HS3ST3A1: variants seen among roughly 807,000 people sequenced by gnomAD.
HS3ST3A1 encodes heparan sulfate glucosamine 3-O-sulfotransferase 3A1.
In HS3ST3A1, 19 loss-of-function variants were observed where a neutral mutation model predicts 25.7. The observed-to-expected ratio is 0.74, with a 90% CI of 0.52 to 1.08. HS3ST3A1 has a LOEUF of 1.08. Ranked by LOEUF, HS3ST3A1 falls within the 50% of genes least tolerant of loss-of-function variation. The pLI, the probability that HS3ST3A1 is intolerant of heterozygous loss-of-function variation, is 0.00. For missense variants in HS3ST3A1, 459 were observed against 594.3 expected (o/e 0.77, Z 2.37); for synonymous variants, 226 against 278.6 (o/e 0.81, Z 1.88).
At chr17:13,540,054 C>A (rs371722605) in intron 1 of HS3ST3A1, among the ~76,000 whole-genome samples, 140 of 152,344 alleles carry the variant, frequency 9.2e-4, no homozygotes, top group African/African-American at 3.2e-3. Flanking sequence ...TGATAGACTT[C>A]TCTTTTGTGT....
intron 1 of HS3ST3A1, among the ~76,000 whole-genome samples, chr17:13,572,156 C>T (rs536277211): frequency 6.6e-6 from 1 of 152,288 alleles, no homozygotes; most frequent in Admixed American, 6.5e-5. Context: ...CTCTCTTCAT[C>T]TCTCTCCTTA....
At chr17:13,578,833 T>C (rs1020573835) in intron 1 of HS3ST3A1, among the ~76,000 whole-genome samples, 1 of 152,194 alleles carries the variant, frequency 6.6e-6, no homozygotes, top group East Asian at 1.9e-4. Flanking sequence ...TGCAGGTGTG[T>C]CAAGTATTTG....
intron 1 of HS3ST3A1, among the ~76,000 whole-genome samples, chr17:13,567,772 C>A (rs1907710145): frequency 6.6e-6 from 1 of 152,174 alleles, no homozygotes; most frequent in African/African-American, 2.4e-5. Flanking sequence ...TCACAATAAA[C>A]CTTGAACCGA....
chr17:13,580,302 A>G (rs910184653), intron 1 of HS3ST3A1, among the ~76,000 whole-genome samples: 2 of 152,198 alleles, frequency 1.3e-5, no homozygotes, highest in African/African-American at 4.8e-5. Context: ...GTTGATGGTT[A>G]AGAAATCCAG....
At position 13,496,145 on chromosome 17, in the gene HS3ST3A1, G is replaced by C; in HGVS notation, c.*52C>G. ...TTAAACTGTCTCTTCTCTACCGATT[G>C]GTAAAAAAATATATTATATTTTGAT... is the stretch of plus-strand genomic sequence containing the variant. On this transcript the variant is annotated 3_prime_UTR_variant, in exon 2 of 2. Transcript: ENST00000284110. 6.9e-7 allele frequency: 1 copy of C among 1,450,032 alleles called. No individual in the cohort carries two copies. The highest frequency in any genetic ancestry group is 9.1e-7 in the Non-Finnish European group (1 of 1,098,784). 89.8% of individuals were successfully genotyped at this position (1,450,032 alleles called of 1,614,324 possible).
chr17:13,533,862 G>A (rs1170269889), intron 1 of HS3ST3A1, among the ~76,000 whole-genome samples: 6 of 152,158 alleles, frequency 3.9e-5, no homozygotes, highest in African/African-American at 1.4e-4. Flanking sequence ...ACATAGGAAG[G>A]ACTGTAAATC....
intron 1 of HS3ST3A1, among the ~76,000 whole-genome samples, chr17:13,569,072 C>A (rs536757643): frequency 1.6e-4 from 24 of 152,214 alleles, no homozygotes; most frequent in Middle Eastern, 3.4e-3. Context: ...GAGCATGGAG[C>A]GTGTCAAGAT....
chr17:13,504,105 G>C lies in HS3ST3A1; in HGVS notation c.600-7287C>G, dbSNP rs187791608. ...CGCAGTGGGTGGATCATGAGGTCAGGAGTTCAAGACCAGCCTGACCAACTG... is the reference window on the plus strand; with the variant it reads ...CGCAGTGGGTGGATCATGAGGTCAGCAGTTCAAGACCAGCCTGACCAACTG... On this transcript the variant is annotated intron_variant, in intron 1 of 1. Transcript: ENST00000284110. Among the ~76,000 whole-genome samples the C allele has an allele frequency of 4.7e-3, 720 of 152,128 alleles. 5 individuals are homozygous for C. The highest frequency in any genetic ancestry group is 0.017 in the African/African-American group (687 of 41,498).
At chr17:13,541,914 C>G (rs931940948) in intron 1 of HS3ST3A1, among the ~76,000 whole-genome samples, 2 of 152,158 alleles carry the variant, frequency 1.3e-5, no homozygotes, top group African/African-American at 4.8e-5. Context: ...GAATGGATGC[C>G]TTGACTTCAT....
intron 1 of HS3ST3A1, among the ~76,000 whole-genome samples, chr17:13,563,555 G>C (rs1410226883): frequency 6.6e-6 from 1 of 152,166 alleles, no homozygotes; most frequent in Non-Finnish European, 1.5e-5. Context: ...CCCAGTGTGG[G>C]GGGCAGAGAG....
rs111305437 is a variant in HS3ST3A1, at chr17:13,546,221, C to T, written c.600-49403G>A. Among the ~76,000 whole-genome samples the T allele has an allele frequency of 3.8e-3, 580 of 152,210 alleles. 1 individual carries two copies. The highest frequency in any genetic ancestry group is 0.013 in the African/African-American group (550 of 41,506). ...CCACTCCCAGGAAAAAATGAATCTG[C>T]CTCTGAAACCATTTCTACAACTCCT... On this transcript the variant is annotated intron_variant, in intron 1 of 1. Coordinates refer to ENST00000284110, the MANE Select transcript of HS3ST3A1 (RefSeq NM_006042.3).
chr17:13,568,019 A>G (rs1020178764), intron 1 of HS3ST3A1, among the ~76,000 whole-genome samples: 1 of 152,230 alleles, frequency 6.6e-6, no homozygotes, highest in Non-Finnish European at 1.5e-5. Flanking sequence ...GAAATCTTTC[A>G]TGAAAGGAAG....
intron 1 of HS3ST3A1, among the ~76,000 whole-genome samples, chr17:13,545,668 C>A (rs1907066787): frequency 3.3e-5 from 5 of 152,180 alleles, no homozygotes; most frequent in Non-Finnish European, 7.3e-5. Context: ...CTCCGTTGCT[C>A]ATGTCTGCAT....
chr17:13,549,730 C>G (rs1907191082), intron 1 of HS3ST3A1, among the ~76,000 whole-genome samples: 1 of 152,216 alleles, frequency 6.6e-6, no homozygotes, highest in Non-Finnish European at 1.5e-5. Flanking sequence ...TCCATGCCGA[C>G]TGTCACACAG....
intron 1 of HS3ST3A1, among the ~76,000 whole-genome samples, chr17:13,529,157 G>A (rs1906526258): frequency 6.6e-6 from 1 of 152,056 alleles, no homozygotes; most frequent in Admixed American, 6.5e-5. Flanking sequence ...TATGTAGGTG[G>A]TTTCCTTGAA....
At chr17:13,587,310 TG>T (rs1208311664) in intron 1 of HS3ST3A1, among the ~76,000 whole-genome samples, 1 of 151,614 alleles carries the variant, frequency 6.6e-6, no homozygotes, top group African/African-American at 2.4e-5. Flanking sequence ...AAAAATTAGC[TG>T]GGTGTGGTGG....
intron 1 of HS3ST3A1, among the ~76,000 whole-genome samples, chr17:13,527,692 T>C (rs1291956710): frequency 1.3e-5 from 2 of 152,216 alleles, no homozygotes; most frequent in Non-Finnish European, 2.9e-5. Flanking sequence ...AAACAAACTC[T>C]GCTCCAATGT....
intron 1 of HS3ST3A1, among the ~76,000 whole-genome samples, chr17:13,527,158 A>G (rs1436956349): frequency 6.6e-6 from 1 of 152,160 alleles, no homozygotes; most frequent in Non-Finnish European, 1.5e-5. Flanking sequence ...GAACCCAGAC[A>G]GCCTGGGTCT....
chr17:13,574,134 C>CTTTTTTTTTT (rs557193269), intron 1 of HS3ST3A1, among the ~76,000 whole-genome samples: 1 of 126,044 alleles, frequency 7.9e-6, no homozygotes, highest in Non-Finnish European at 1.6e-5. Context: ...CCATATCACT[C>CTTTTTTTTTT]TTTTTTTTTT....
Sources: allele counts gnomAD v4.1 joint callset (sites outside exome capture counted in the v4.1 genomes callset), GRCh38; gene constraint gnomAD v4.1.1; transcripts MANE v1.5; gene names NCBI Gene and HGNC (gene_info 2026-07-23, HGNC 2026-07-21).